Variants in UGT2B4 observed in about 807,000 individuals in gnomAD.
UGT2B4 encodes the protein UDP glucuronosyltransferase family 2 member B4, also known as UDP-glucuronosyltransferase 2B4.
A neutral mutation model predicts 49.8 loss-of-function variants in UGT2B4; 49 were observed. The observed-to-expected ratio is 0.98, with a 90% CI of 0.78 to 1.25. The LOEUF is 1.25. UGT2B4 is among the 50% of genes most tolerant of loss of function. UGT2B4 has a pLI of 0.00. For missense variants in UGT2B4, 729 were observed against 627.7 expected, an observed-to-expected ratio of 1.16 and a Z score of -1.73; for synonymous variants, 246 against 217.7, an observed-to-expected ratio of 1.13 and a Z score of -1.14.
chr4:69,492,847 C>T (rs545201711), intron 2 of UGT2B4, among the ~76,000 whole-genome samples: 22 of 152,188 alleles, frequency 1.4e-4, no homozygotes, highest in African/African-American at 4.6e-4. Context: ...TCATCTGCTA[C>T]CTGAATTCAT....
chr4:69,524,701 G>A (rs201700256), intron 1 of UGT2B4, among the ~76,000 whole-genome samples: 5 of 150,956 alleles, frequency 3.3e-5, no homozygotes, highest in Non-Finnish European at 3.0e-5. Flanking sequence ...CAACTTATGA[G>A]AAAAAAAAAC....
intron 1 of UGT2B4, among the ~76,000 whole-genome samples, chr4:69,517,241 A>T (rs1427409322): frequency 6.6e-6 from 1 of 152,126 alleles, no homozygotes; most frequent in Non-Finnish European, 1.5e-5. Context: ...CCTCCCCCCC[A>T]AGAAATATAA....
chr4:69,494,370 A>C (rs1395413849), intron 1 of UGT2B4, among the ~76,000 whole-genome samples: 7 of 152,188 alleles, frequency 4.6e-5, no homozygotes, highest in African/African-American at 1.4e-4. Flanking sequence ...TAACCTCATA[A>C]TAATATTAGT....
upstream of UGT2B4, among the ~76,000 whole-genome samples, chr4:69,500,657 G>GAAAGAAAGAAAGAA (rs1560438414): frequency 2.2e-4 from 26 of 119,058 alleles, no homozygotes; most frequent in African/African-American, 6.5e-4. Context: ...AAGAAAGAAA[G>GAAAGAAAGAAAGAA]AAAGAAAGAA....
At chr4:69,512,984 A>T (rs1175779098) in intron 1 of UGT2B4, among the ~76,000 whole-genome samples, 1 of 151,996 alleles carries the variant, frequency 6.6e-6, no homozygotes, top group Non-Finnish European at 1.5e-5. Flanking sequence ...TGGATATGAG[A>T]ACTTTGTCAG....
At chr4:69,513,307 G>T (rs187852498) in intron 1 of UGT2B4, among the ~76,000 whole-genome samples, 1 of 152,100 alleles carries the variant, frequency 6.6e-6, no homozygotes, top group Admixed American at 6.5e-5. Context: ...CATATGGCTA[G>T]CCAGCACTCC....
rs1293105687 is a variant in UGT2B4 at position 69,502,081 on chromosome 4, T to TTC, written c.-105-6117_-105-6116dup. The stretch of plus-strand genomic sequence containing the variant: ...TCCCTTCCTTCCTTCTTTTCTTTCT[T>TTC]TCTTTCTCTCTCTTTCTTTCTTTCT... On this transcript the variant is annotated intron_variant, in intron 1 of 1. Transcript: ENST00000510114. Among the ~76,000 whole-genome samples, 282 of 80,890 alleles carry TTC rather than the reference T, an allele frequency of 3.5e-3. 1 individual carries two copies. Among genetic ancestry groups the TTC allele is most frequent in the African/African-American group, 0.012 (247 of 21,390 alleles). The allele number at this position is 80,890 out of a possible 152,430, so 53.1% of individuals were successfully genotyped here.
At chr4:69,514,702 G>C (rs1244340669) in intron 1 of UGT2B4, among the ~76,000 whole-genome samples, 1 of 151,960 alleles carries the variant, frequency 6.6e-6, no homozygotes, top group Non-Finnish European at 1.5e-5. Flanking sequence ...GCCTTTTCTG[G>C]GTTTATTGAG....
At chr4:69,493,911 G>T in intron 1 of UGT2B4, 70 bp from the exon 2 acceptor site, 1 of 1,527,242 alleles carries the variant, frequency 6.5e-7, no homozygotes, top group Non-Finnish European at 8.7e-7. Context: ...TCTGAAAGAA[G>T]TTAGAATAAT....
intron 1 of UGT2B4, among the ~76,000 whole-genome samples, chr4:69,494,583 A>G (rs1218222003): frequency 1.3e-5 from 2 of 152,174 alleles, no homozygotes; most frequent in African/African-American, 4.8e-5. Flanking sequence ...CCTTTAGTGA[A>G]GGAATAGAAA....
chr4:69,500,605 G>GAAA (rs57424138), upstream of UGT2B4, among the ~76,000 whole-genome samples: 39,490 of 130,226 alleles, frequency 0.3, 6,829 homozygotes, highest in East Asian at 0.62. Context: ...AAGAAAGCAA[G>GAAA]GAAGAAAGAA....
intron 1 of UGT2B4, among the ~76,000 whole-genome samples, chr4:69,519,502 T>C (rs1475680644): frequency 6.6e-6 from 1 of 152,192 alleles, no homozygotes; most frequent in African/African-American, 2.4e-5. Context: ...ATATCTATCT[T>C]TCTGTGAAAG....
chr4:69,505,537 C>T (rs920248705), intron 1 of UGT2B4, among the ~76,000 whole-genome samples: 1 of 152,104 alleles, frequency 6.6e-6, no homozygotes, highest in African/African-American at 2.4e-5. Context: ...TATAAATGCA[C>T]CCAACACAGG....
At position 69,494,725 on chromosome 4, in the gene UGT2B4, A is replaced by G. The variant is rs2109813855; in HGVS notation, c.721+416T>C. On this transcript the variant is annotated intron_variant, in intron 1 of 5. Transcript: ENST00000305107. The stretch of plus-strand genomic sequence containing the variant: ...TTACTAAATAATAAGACTGAAATAT[A>G]CAAGAAAAAACAATTTCTGCAATGT... 1.3e-5 allele frequency among the ~76,000 whole-genome samples: 2 copies of G among 152,336 alleles called. 1 individual carries two copies. Among genetic ancestry groups the G allele is most frequent in the South Asian group, 4.1e-4 (2 of 4,834 alleles).
chr4:69,519,179 G>T (rs1169574389), intron 1 of UGT2B4, among the ~76,000 whole-genome samples: 1 of 152,172 alleles, frequency 6.6e-6, no homozygotes, highest in African/African-American at 2.4e-5. Context: ...TAGGTAAAAA[G>T]ATTTACTCAG....
At chr4:69,500,073 GA>G (rs2109818781), upstream of UGT2B4, among the ~76,000 whole-genome samples, 1 of 152,238 alleles carries the variant, frequency 6.6e-6, no homozygotes, top group African/African-American at 2.4e-5. Context: ...ACATAAACAA[GA>G]ATGAGATCAT....
In UGT2B4 at chr4:69,480,638, T is replaced by A. The variant is rs532055799; in HGVS notation, c.1583A>T (p.Asp528Val). Residue 528 changes from aspartate (D) to valine (V), a missense_variant, in exon 6 of 6, where the codon GAT becomes GTT. Asp to Val is a radical substitution (Grantham distance 152). Coordinates refer to ENST00000305107, the MANE Select transcript of UGT2B4 (RefSeq NM_021139.3). ...AGCTTCCAGCCTCAGACGTAATTAA[T>A]CTCTTTTCCCCTTCTTTCCTGTTCT... ...FVRTGKKGKRD is the reference protein window; with the variant it reads ...FVRTGKKGKRV The A allele has an allele frequency of 3.1e-6, 5 of 1,613,428 alleles. No individual in the cohort carries two copies. The South Asian group carries it at 5.5e-5, about 18-fold the overall frequency.
chr4:69,485,278 TAACA>T lies in UGT2B4; in HGVS notation c.1236_1239del (p.Ser414TrpfsTer15), dbSNP rs750698492. On this transcript the variant is annotated frameshift_variant, in exon 5 of 6. Coordinates refer to ENST00000305107, the MANE Select transcript of UGT2B4 (RefSeq NM_021139.3). LOFTEE classifies it high-confidence loss of function. ...CTCGACATTGTGTGGAAGTCCAAAC[TAACA>T]GCTGCTCCCTTGGCCTTCATGTGTG... 41 of 1,613,888 alleles carry T rather than the reference TAACA, an allele frequency of 2.5e-5. No individual in the cohort carries two copies. Among genetic ancestry groups the T allele is most frequent in the Non-Finnish European group, 3.3e-5 (39 of 1,179,956 alleles).
Position 69,485,404 on chromosome 4 carries a change from T to C in UGT2B4, c.1114A>G (p.Ile372Val), listed in dbSNP as rs374136692. ...LLGHPKTRAF[I>V]THGGANGIYE... is the part of the protein sequence containing the mutation. ...ATGCCATTGGCTCCACCATGAGTTA[T>C]AAAAGCTCTGGTTTTTGGGTGACCT... Residue 372 changes from isoleucine to valine, a missense_variant, in exon 5 of 6, where the codon ATA becomes GTA. By Grantham distance (29) the Ile-to-Val change is conservative. Coordinates refer to ENST00000305107, the MANE Select transcript of UGT2B4 (RefSeq NM_021139.3). The C allele has an allele frequency of 2.5e-6, 4 of 1,613,754 alleles. No individual in the cohort carries two copies. In the African/African-American group the frequency reaches 4.0e-5, roughly 16 times the overall value.
Sources: gnomAD v4.1 joint callset for allele counts (sites outside exome capture counted in the v4.1 genomes callset) on GRCh38, gnomAD v4.1.1 for gene constraint, MANE v1.5 for transcripts, NCBI Gene and HGNC (gene_info 2026-07-23, HGNC 2026-07-21) for gene names.